LRRC42: variants seen among roughly 807,000 people sequenced by gnomAD.
LRRC42 encodes leucine rich repeat containing 42, also known as leucine-rich repeat-containing protein 42.
A neutral mutation model predicts 44.3 loss-of-function variants in LRRC42; 43 were observed. The ratio of observed to expected loss-of-function variants is 0.97; its 90% CI spans 0.76 to 1.25. The LOEUF (loss-of-function observed/expected upper bound fraction) is 1.25. Among genes scored for constraint, LRRC42 ranks in the 50% most tolerant of loss-of-function variants. The pLI is 0.00. For missense variants in LRRC42, 540 were observed against 509.1 expected (o/e 1.06, Z -0.58); for synonymous variants, 207 against 195.2 (o/e 1.06, Z -0.50).
Position 53,967,753 on chromosome 1 carries a change from A to G in LRRC42, c.1101A>G (p.Lys367=). 6.2e-7 allele frequency: 1 copy of G among 1,614,224 alleles called. No homozygotes were observed. The highest frequency in any genetic ancestry group is 8.5e-7 in the Non-Finnish European group (1 of 1,180,042). ...MNSSEKLQFY[K]EKAPDCHGPV... ...CTTCCGAGAAACTCCAGTTCTATAAAGAGAAAGCCCCAGATTGCCATGGGC... is the reference window on the plus strand; with the variant it reads ...CTTCCGAGAAACTCCAGTTCTATAAGGAGAAAGCCCCAGATTGCCATGGGC... The change falls in exon 9 of 9, where the codon AAA becomes AAG. Residue 367 remains lysine, a synonymous_variant. Transcript: ENST00000371370.
At chr1:53,954,904 A>G (rs1654788243) in intron 3 of LRRC42, among the ~76,000 whole-genome samples, 1 of 152,246 alleles carries the variant, frequency 6.6e-6, no homozygotes, top group Non-Finnish European at 1.5e-5. Flanking sequence ...CTTACTAAGA[A>G]TCTATTCTGA....
intron 2 of LRRC42, among the ~76,000 whole-genome samples, chr1:53,948,872 G>T (rs114073924): frequency 6.6e-6 from 1 of 152,170 alleles, no homozygotes; most frequent in Non-Finnish European, 1.5e-5. Flanking sequence ...CTTAGGTCAT[G>T]TTACATACCT....
intron 8 of LRRC42, among the ~76,000 whole-genome samples, chr1:53,966,674 G>A (rs1655135607): frequency 6.6e-6 from 1 of 152,124 alleles, no homozygotes; most frequent in Non-Finnish European, 1.5e-5. Flanking sequence ...GGAATTGAGT[G>A]TAGCCAGAGG....
chr1:53,958,018 G>A, intron 3 of LRRC42, 131 bp from the exon 4 acceptor site: 1 of 1,081,168 alleles, frequency 9.2e-7, no homozygotes, highest in Non-Finnish European at 1.2e-6. Context: ...ATAGTAATTA[G>A]TGAAGTCTGC....
intron 7 of LRRC42, among the ~76,000 whole-genome samples, chr1:53,963,614 G>C (rs1050557424): frequency 2.0e-5 from 3 of 152,238 alleles, no homozygotes; most frequent in African/African-American, 7.2e-5. Context: ...GACTGGACCA[G>C]TGCAGCTTCC....
intron 2 of LRRC42, among the ~76,000 whole-genome samples, chr1:53,951,455 G>C (rs1284064403): frequency 6.6e-6 from 1 of 151,992 alleles, no homozygotes; most frequent in African/African-American, 2.4e-5. Context: ...ACGGAGTCTC[G>C]CTCTTGTCAC....
chr1:53,949,493 A>G lies in LRRC42; in HGVS notation c.-15+1672A>G, dbSNP rs554252833. ...GGCCATACCTAGCGTCTGCTTTCTGATCTACAAGTAGAGTGGAGCTCTGAA... is the reference window on the plus strand; with the variant it reads ...GGCCATACCTAGCGTCTGCTTTCTGGTCTACAAGTAGAGTGGAGCTCTGAA... On this transcript the variant is annotated intron_variant, in intron 2 of 8. Transcript: ENST00000371370. Among the ~76,000 whole-genome samples the G allele has an allele frequency of 2.0e-5, 3 of 152,268 alleles. No individual in the cohort carries two copies. In the South Asian group the frequency reaches 6.2e-4, roughly 32 times the overall value.
At chr1:53,951,243 C>G (rs1276112652) in intron 2 of LRRC42, among the ~76,000 whole-genome samples, 1 of 152,206 alleles carries the variant, frequency 6.6e-6, no homozygotes, top group African/African-American at 2.4e-5. Flanking sequence ...TTATCACATT[C>G]CATGGTACGT....
chr1:53,966,596 C>T (rs548896758), intron 8 of LRRC42, among the ~76,000 whole-genome samples: 68 of 152,214 alleles, frequency 4.5e-4, no homozygotes, highest in Middle Eastern at 3.4e-3. Flanking sequence ...TACTTACTTA[C>T]GTACCATCTT....
intron 7 of LRRC42, among the ~76,000 whole-genome samples, chr1:53,964,073 T>G (rs1318228299): frequency 2.0e-5 from 3 of 151,722 alleles, no homozygotes; most frequent in Non-Finnish European, 1.5e-5. Flanking sequence ...CTGTCCAGTC[T>G]GTCCCACCCC....
At chr1:53,949,831 G>C (rs561915387) in intron 2 of LRRC42, among the ~76,000 whole-genome samples, 1 of 152,334 alleles carries the variant, frequency 6.6e-6, no homozygotes, top group African/African-American at 2.4e-5. Flanking sequence ...TCTGGCAAGT[G>C]GGGGAGGAGC....
At chr1:53,958,107 A>T (rs1365305502) in intron 3 of LRRC42, 42 bp from the exon 4 acceptor site, 4 of 1,610,074 alleles carry the variant, frequency 2.5e-6, no homozygotes, top group Middle Eastern at 1.7e-4. Context: ...ATGCTTTAAG[A>T]GTAGTGAGGG....
chr1:53,955,445 C>T (rs1238514610), intron 3 of LRRC42, among the ~76,000 whole-genome samples: 1 of 151,576 alleles, frequency 6.6e-6, no homozygotes, highest in African/African-American at 2.4e-5. Context: ...TACAGGCGCC[C>T]GCCACCGTGC....
Position 53,967,975 on chromosome 1 carries a change from G to C in LRRC42, c.*36G>C. On this transcript the variant is annotated 3_prime_UTR_variant, in exon 9 of 9. Transcript: ENST00000371370. The stretch of plus-strand genomic sequence containing the variant: ...CAAGTTGACCTTTCTCTGGCCCCCA[G>C]CTCTAGTGTTTGAGTAAAGGAGACT... 1 of 1,591,300 alleles carries C rather than the reference G, an allele frequency of 6.3e-7. No individual in the cohort carries two copies.
At chr1:53,961,830 G>T (rs1281352210) in intron 5 of LRRC42, 4 of 539,502 alleles carry the variant, frequency 7.4e-6, no homozygotes, top group Non-Finnish European at 1.3e-5. Flanking sequence ...AGCTGTAAAG[G>T]ATCTTTAGGG....
In LRRC42 at chr1:53,951,376, T is replaced by C. The variant is rs77053938; in HGVS notation, c.-14-610T>C. ...ATAAATGAATCTTTGCTGACATCTGTGACAACTTCCTTAGCATGAATTTTG... is the reference window on the plus strand; with the variant it reads ...ATAAATGAATCTTTGCTGACATCTGCGACAACTTCCTTAGCATGAATTTTG... On this transcript the variant is annotated intron_variant, in intron 2 of 8. Coordinates refer to ENST00000371370, the MANE Select transcript of LRRC42 (RefSeq NM_001256409.2). 9.2e-3 allele frequency among the ~76,000 whole-genome samples: 1,407 copies of C among 152,370 alleles called. 27 individuals are homozygous for C. Among genetic ancestry groups the C allele is most frequent in the African/African-American group, 0.032 (1,350 of 41,582 alleles).
At chr1:53,961,986 A>G (rs766325230) in intron 5 of LRRC42, 48 bp from the exon 6 acceptor site, 15 of 1,377,718 alleles carry the variant, frequency 1.1e-5, no homozygotes, top group Non-Finnish European at 1.1e-5. Context: ...TTGTCATTTT[A>G]ACAGCATTTA....
intron 7 of LRRC42, among the ~76,000 whole-genome samples, chr1:53,965,265 G>A (rs1456341446): frequency 6.6e-6 from 1 of 151,978 alleles, no homozygotes. Flanking sequence ...GATTACAGGC[G>A]TGAGCTACTG....
At position 53,960,628 on chromosome 1, in the gene LRRC42, G is replaced by A. The variant is rs115565668; in HGVS notation, c.724+154G>A. Among the ~76,000 whole-genome samples the A allele has an allele frequency of 3.6e-3, 543 of 152,304 alleles. 1 individual carries two copies. Among genetic ancestry groups the A allele is most frequent in the African/African-American group, 0.012 (510 of 41,566 alleles). On this transcript the variant is annotated intron_variant, in intron 5 of 8. Coordinates refer to ENST00000371370, the MANE Select transcript of LRRC42 (RefSeq NM_001256409.2). Reference sequence around the variant, plus strand: ...GTGGCAGAACAGGATTGAGGCCAAAGACTCTTGACTCCTGGCCAACTGATT... The same window carrying A: ...GTGGCAGAACAGGATTGAGGCCAAAAACTCTTGACTCCTGGCCAACTGATT...
Sources: allele counts gnomAD v4.1 joint callset (sites outside exome capture counted in the v4.1 genomes callset), GRCh38; gene constraint gnomAD v4.1.1; transcripts MANE v1.5; gene names NCBI Gene and HGNC (gene_info 2026-07-23, HGNC 2026-07-21).